Variants in MED13L observed in about 807,000 individuals in gnomAD.
The protein encoded by MED13L is mediator complex subunit 13L.
Under a neutral mutation model 220.9 loss-of-function variants are expected in MED13L, and 7 were observed. The ratio of observed to expected loss-of-function variants is 0.03; its 90% CI spans 0.02 to 0.06. MED13L has a LOEUF of 0.06. Ranked by LOEUF, MED13L falls within the 10% of genes least tolerant of loss-of-function variation. MED13L has a pLI of 1.00. For missense variants in MED13L, 1,965 were observed against 2,760.5 expected (o/e 0.71, Z 6.46); for synonymous variants, 1,011 against 1,015.2 (o/e 1.00, Z 0.08).
intron 2 of MED13L, among the ~76,000 whole-genome samples, chr12:116,199,745 T>C (rs2138303600): frequency 6.6e-6 from 1 of 152,134 alleles, no homozygotes; most frequent in Non-Finnish European, 1.5e-5. Context: ...TTTGGTCCAG[T>C]ATCAAAATCT....
chr12:115,997,000 T>C lies in MED13L; in HGVS notation c.2790+10A>G. 11 of 1,607,108 alleles carry C rather than the reference T, an allele frequency of 6.8e-6. No individual in the cohort carries two copies. The highest frequency in any genetic ancestry group is 8.5e-6 in the Non-Finnish European group (10 of 1,173,646). On this transcript the variant is annotated intron_variant, in intron 15 of 30. Transcript: ENST00000281928. ...CTCTGCCCTGGAAATGTTAATATAT[T>C]GACAACTACCTTAATTTCCTCGGGC...
chr12:115,997,084 C>T lies in MED13L; in HGVS notation c.2716G>A (p.Val906Ile). 1 of 1,614,098 alleles carries T rather than the reference C, an allele frequency of 6.2e-7. No individual in the cohort carries two copies. The highest frequency in any genetic ancestry group is 8.5e-7 in the Non-Finnish European group (1 of 1,180,008). Residue 906 changes from valine to isoleucine, a missense_variant, in exon 15 of 31, where the codon GTT becomes ATT. This residue lies in a region of MED13L where 233 missense variants were observed against 306.2 expected (regional missense o/e 0.76). Coordinates refer to ENST00000281928, the MANE Select transcript of MED13L (RefSeq NM_015335.5). ...TTGAATTCTGTGAGTTGTGTTGAAA[C>T]CATACTGACCATAGGGCTCTCCATC... ...GMMESPMVSM[V>I]STQLTEFKME...
chr12:116,121,008 T>TA (rs1353740642), intron 2 of MED13L, among the ~76,000 whole-genome samples: 1 of 152,146 alleles, frequency 6.6e-6, no homozygotes, highest in Non-Finnish European at 1.5e-5. Flanking sequence ...ACAGCCAGAT[T>TA]AAAAACTAAA....
At chr12:116,043,859 A>T (rs990337552) in intron 4 of MED13L, among the ~76,000 whole-genome samples, 1 of 152,236 alleles carries the variant, frequency 6.6e-6, no homozygotes, top group African/African-American at 2.4e-5. Flanking sequence ...TCAAACTGGC[A>T]TATGTTTGGC....
intron 16 of MED13L, among the ~76,000 whole-genome samples, chr12:115,994,464 AAAAAACAAAAACAAAAAC>A (rs534564932): frequency 6.6e-6 from 1 of 152,054 alleles, no homozygotes; most frequent in Admixed American, 6.5e-5. Flanking sequence ...AAACCCCCCC[AAAAAACAAAAACAAAAAC>A]AAAAACAAAA....
Position 116,159,030 on chromosome 12 carries a change from C to T in MED13L, c.311-47518G>A, listed in dbSNP as rs1878661450. Among the ~76,000 whole-genome samples the T allele has an allele frequency of 3.3e-5, 5 of 152,128 alleles. 1 individual carries two copies. Among genetic ancestry groups the T allele is most frequent in the Admixed American group, 3.3e-4 (5 of 15,262 alleles). On this transcript the variant is annotated intron_variant, in intron 2 of 30. Transcript: ENST00000281928. ...AGGGAAACTGAAAAATATGTTCAAT[C>T]CTACCTTCCTTCAACAACAACTTCA...
intron 29 of MED13L, 47 bp downstream of exon 29, chr12:115,966,035 G>C: frequency 6.3e-7 from 1 of 1,598,354 alleles, no homozygotes; most frequent in Non-Finnish European, 8.6e-7. Flanking sequence ...AAATTTAAGC[G>C]TAAATCACTC....
chr12:116,210,262 A>T (rs902535003), intron 2 of MED13L, among the ~76,000 whole-genome samples: 9 of 152,160 alleles, frequency 5.9e-5, no homozygotes, highest in Non-Finnish European at 7.4e-5. Context: ...TGCAGGACGG[A>T]GTATCAACTG....
intron 16 of MED13L, among the ~76,000 whole-genome samples, chr12:115,993,903 T>A (rs1001265333): frequency 6.6e-6 from 1 of 152,074 alleles, no homozygotes; most frequent in African/African-American, 2.4e-5. Flanking sequence ...ATGGCAGACA[T>A]GAAGCAAATG....
intron 4 of MED13L, among the ~76,000 whole-genome samples, chr12:116,064,026 T>A (rs1869720854): frequency 6.6e-6 from 1 of 151,640 alleles, no homozygotes; most frequent in African/African-American, 2.4e-5. Flanking sequence ...TTACAAAAAA[T>A]AAAAAATAAA....
In MED13L at chr12:116,009,143, A is replaced by T; in HGVS notation, c.1281-11T>A. On this transcript the variant is annotated splice_polypyrimidine_tract_variant and intron_variant, in intron 9 of 30. Coordinates refer to ENST00000281928, the MANE Select transcript of MED13L (RefSeq NM_015335.5). ...TTTAAAAGCTTATGCCTAAAATGAGAGTAAACAATTACATCATTATAACAT... is the reference window on the plus strand; with the variant it reads ...TTTAAAAGCTTATGCCTAAAATGAGTGTAAACAATTACATCATTATAACAT... 1.2e-6 allele frequency: 2 copies of T among 1,613,942 alleles called. No homozygotes were observed. The highest frequency in any genetic ancestry group is 1.7e-6 in the Non-Finnish European group (2 of 1,179,922).
chr12:116,222,024 A>G (rs1868489570), intron 2 of MED13L, among the ~76,000 whole-genome samples: 1 of 152,204 alleles, frequency 6.6e-6, no homozygotes, highest in Admixed American at 6.5e-5. Context: ...TAGGTGGAAA[A>G]CAACTCAAAT....
At chr12:116,031,111 G>A (rs1037068035) in intron 4 of MED13L, among the ~76,000 whole-genome samples, 14 of 152,102 alleles carry the variant, frequency 9.2e-5, no homozygotes, top group African/African-American at 3.4e-4. Flanking sequence ...GGAACTCTAG[G>A]AATCAAAAGG....
chr12:116,229,785 TAC>T (rs1869375294), intron 2 of MED13L, among the ~76,000 whole-genome samples: 1 of 152,218 alleles, frequency 6.6e-6, no homozygotes, highest in Non-Finnish European at 1.5e-5. Flanking sequence ...AGTATATAAT[TAC>T]ACATTAAGTC....
Position 116,047,467 on chromosome 12 carries a change from G to A in MED13L, c.480-24866C>T, listed in dbSNP as rs1386886731. Among the ~76,000 whole-genome samples the A allele has an allele frequency of 2.6e-5, 4 of 152,362 alleles. No homozygotes were observed. The East Asian group carries it at 5.8e-4, about 22-fold the overall frequency. ...ACCATTTCTTTCATTTAATTTATAAGTGGGTTTTCTTTATCCAATATGCAT... is the reference window on the plus strand; with the variant it reads ...ACCATTTCTTTCATTTAATTTATAAATGGGTTTTCTTTATCCAATATGCAT... On this transcript the variant is annotated intron_variant, in intron 4 of 30. Coordinates refer to ENST00000281928, the MANE Select transcript of MED13L (RefSeq NM_015335.5).
chr12:116,242,061 T>A (rs997492777), intron 1 of MED13L, among the ~76,000 whole-genome samples: 1 of 148,434 alleles, frequency 6.7e-6, no homozygotes, highest in Non-Finnish European at 1.5e-5. Context: ...TTTTTTTTTT[T>A]TTTTTTTTGA....
intron 1 of MED13L, among the ~76,000 whole-genome samples, chr12:116,253,829 T>G (rs1306994599): frequency 7.3e-6 from 1 of 137,808 alleles, no homozygotes; most frequent in Admixed American, 7.7e-5. Context: ...GCGCAATACC[T>G]GCTTGCTGCA....
At chr12:116,042,126 C>G (rs1322020780) in intron 4 of MED13L, among the ~76,000 whole-genome samples, 1 of 152,152 alleles carries the variant, frequency 6.6e-6, no homozygotes, top group African/African-American at 2.4e-5. Flanking sequence ...AATGTGGCAA[C>G]AGACTGGTCA....
chr12:116,162,771 G>A (rs1030576435), intron 2 of MED13L, among the ~76,000 whole-genome samples: 5 of 152,014 alleles, frequency 3.3e-5, no homozygotes, highest in African/African-American at 4.8e-5. Flanking sequence ...ACAATTCCTC[G>A]TAAGTTATAC....
Sources: gnomAD v4.1 joint callset for allele counts (sites outside exome capture counted in the v4.1 genomes callset) on GRCh38, gnomAD v4.1.1 for gene constraint, gnomAD v4.1.1 regional missense constraint, MANE v1.5 for transcripts, NCBI Gene and HGNC (gene_info 2026-07-23, HGNC 2026-07-21) for gene names.